ULK4: variants seen among roughly 807,000 people sequenced by gnomAD.
The protein encoded by ULK4 is inactive serine/threonine-protein kinase ULK4.
ULK4 carries 133 observed loss-of-function variants against 160.6 expected under a neutral mutation model. The ratio of observed to expected loss-of-function variants is 0.83; its 90% CI spans 0.72 to 0.96. ULK4 has a LOEUF of 0.96. ULK4 is among the 40% of genes least tolerant of loss of function. ULK4 has a pLI of 0.00. For synonymous variants in ULK4, 534 were observed against 539.8 expected, an observed-to-expected ratio of 0.99 and a Z score of 0.15; for missense variants, 1,580 against 1,499.5, an observed-to-expected ratio of 1.05 and a Z score of -0.89.
At chr3:41,572,628 T>G (rs945068912) in intron 31 of ULK4, among the ~76,000 whole-genome samples, 1 of 149,478 alleles carries the variant, frequency 6.7e-6, no homozygotes, top group African/African-American at 2.5e-5. Flanking sequence ...TGGCCCGTCA[T>G]GGTGGCGGGT....
chr3:41,473,279 A>G (rs2084040799), intron 32 of ULK4, among the ~76,000 whole-genome samples: 1 of 152,332 alleles, frequency 6.6e-6, no homozygotes, highest in Middle Eastern at 3.4e-3. Context: ...GGCATCCATA[A>G]AGGAAAAAGT....
chr3:41,259,931 C>T (rs1425241116), intron 35 of ULK4: 3 of 152,054 alleles, frequency 2.0e-5, no homozygotes, highest in South Asian at 2.1e-4. Context: ...TGAGAGCAGC[C>T]CAGGTGCTTC....
At chr3:41,754,298 C>A (rs1160812693) in intron 22 of ULK4, 63 bp downstream of exon 22, 23 of 1,536,326 alleles carry the variant, frequency 1.5e-5, no homozygotes, top group Admixed American at 8.3e-5. Context: ...AAATACCCTA[C>A]AACTACTAAT....
chr3:41,771,859 C>T (rs1485568441), intron 21 of ULK4, among the ~76,000 whole-genome samples: 2 of 152,086 alleles, frequency 1.3e-5, no homozygotes, highest in Non-Finnish European at 2.9e-5. Context: ...TTTTTAAAAT[C>T]CATGTGACTT....
At chr3:41,678,223 C>G (rs1257023180) in intron 29 of ULK4, among the ~76,000 whole-genome samples, 2 of 149,314 alleles carry the variant, frequency 1.3e-5, no homozygotes, top group South Asian at 4.2e-4. Context: ...CACACACACA[C>G]ACAGAGCTCC....
intron 32 of ULK4, among the ~76,000 whole-genome samples, chr3:41,530,488 G>T (rs1189686825): frequency 6.6e-6 from 1 of 152,136 alleles, no homozygotes; most frequent in African/African-American, 2.4e-5. Flanking sequence ...ACTTCATCTA[G>T]AACCAAACAG....
At chr3:41,740,253 T>C (rs2038198145) in intron 22 of ULK4, among the ~76,000 whole-genome samples, 1 of 151,918 alleles carries the variant, frequency 6.6e-6, no homozygotes, top group Non-Finnish European at 1.5e-5. Context: ...TTTTAAATAA[T>C]ATTTCTTTTA....
chr3:41,483,429 T>C (rs1008624107), intron 32 of ULK4, among the ~76,000 whole-genome samples: 5 of 152,116 alleles, frequency 3.3e-5, no homozygotes, highest in Non-Finnish European at 5.9e-5. Context: ...ATGCATACTG[T>C]TTCCACCCCC....
intron 25 of ULK4, among the ~76,000 whole-genome samples, chr3:41,707,338 A>C (rs1255663424): frequency 6.6e-6 from 1 of 152,184 alleles, no homozygotes; most frequent in Non-Finnish European, 1.5e-5. Context: ...ACCCAAACAC[A>C]CAAGCAACAA....
chr3:41,811,703 C>T (rs2040824083), intron 19 of ULK4, among the ~76,000 whole-genome samples: 1 of 152,088 alleles, frequency 6.6e-6, no homozygotes, highest in Non-Finnish European at 1.5e-5. Context: ...TAGGTTAGAA[C>T]ACATTGGGTT....
At chr3:41,566,563 A>G (rs2087790734) in intron 31 of ULK4, among the ~76,000 whole-genome samples, 1 of 152,200 alleles carries the variant, frequency 6.6e-6, no homozygotes, top group African/African-American at 2.4e-5. Flanking sequence ...ATTTGATCTG[A>G]TTTATTACTG....
chr3:41,720,200 A>T (rs1163627637), intron 22 of ULK4, among the ~76,000 whole-genome samples: 1 of 152,184 alleles, frequency 6.6e-6, no homozygotes, highest in Non-Finnish European at 1.5e-5. Flanking sequence ...ACTATATCTG[A>T]TTCTTCTCAC....
At chr3:41,880,265 C>T (rs1697467571) in intron 17 of ULK4, among the ~76,000 whole-genome samples, 1 of 152,104 alleles carries the variant, frequency 6.6e-6, no homozygotes, top group Non-Finnish European at 1.5e-5. Flanking sequence ...ACAATGATTA[C>T]AGAGTGGTAA....
intron 35 of ULK4, among the ~76,000 whole-genome samples, chr3:41,339,267 T>G (rs1392793393): frequency 6.6e-6 from 1 of 152,138 alleles, no homozygotes; most frequent in African/African-American, 2.4e-5. Context: ...GCAGCAGGAC[T>G]GCGCTCAGCC....
At chr3:41,378,545 C>T (rs1326987518) in intron 35 of ULK4, among the ~76,000 whole-genome samples, 4 of 151,456 alleles carry the variant, frequency 2.6e-5, no homozygotes, top group Non-Finnish European at 4.4e-5. Flanking sequence ...AAAAACCAAG[C>T]ACCACATGTT....
intron 2 of ULK4, among the ~76,000 whole-genome samples, chr3:41,953,410 C>A (rs1279441773): frequency 6.6e-6 from 1 of 150,856 alleles, no homozygotes; most frequent in South Asian, 2.1e-4. Context: ...TCAAGCGGTT[C>A]TCCTGCCTCA....
At chr3:41,629,151 G>A (rs1022752287) in intron 30 of ULK4, among the ~76,000 whole-genome samples, 5 of 152,144 alleles carry the variant, frequency 3.3e-5, no homozygotes, top group Non-Finnish European at 7.3e-5. Flanking sequence ...CATGGATTCT[G>A]TGGGTCATGA....
At chr3:41,296,344 A>G (rs1352593217) in intron 35 of ULK4, among the ~76,000 whole-genome samples, 1 of 152,228 alleles carries the variant, frequency 6.6e-6, no homozygotes, top group East Asian at 1.9e-4. Context: ...CCTGGAAGGT[A>G]CTGAAGAGAA....
intron 35 of ULK4, among the ~76,000 whole-genome samples, chr3:41,381,849 C>G (rs1455166913): frequency 1.3e-5 from 2 of 152,048 alleles, no homozygotes; most frequent in African/African-American, 4.8e-5. Flanking sequence ...CCTTTGTAAC[C>G]TCTTTCCTCC....
Sources: gnomAD v4.1 joint callset for allele counts (sites outside exome capture counted in the v4.1 genomes callset) on GRCh38, gnomAD v4.1.1 for gene constraint, MANE v1.5 for transcripts, NCBI Gene and HGNC (gene_info 2026-07-23, HGNC 2026-07-21) for gene names.